The following COL4A2 variants were observed in gnomAD, a reference collection of about 807,000 sequenced individuals.
The protein encoded by COL4A2 is collagen type IV alpha 2 chain, also known as collagen alpha-2(IV) chain.
In COL4A2, 99 loss-of-function variants were observed where a neutral mutation model predicts 200.2. The ratio of observed to expected loss-of-function variants is 0.49; its 90% CI spans 0.42 to 0.58. The LOEUF is 0.58. Ranked by LOEUF, COL4A2 falls within the 20% of genes least tolerant of loss-of-function variation. The pLI, the probability that COL4A2 is intolerant of heterozygous loss-of-function variation, is 0.00. For synonymous variants in COL4A2, 897 were observed against 900.6 expected, an observed-to-expected ratio of 1.00 and a Z score of 0.07; for missense variants, 1,950 against 2,314.1, an observed-to-expected ratio of 0.84 and a Z score of 3.23.
intron 10 of COL4A2, among the ~76,000 whole-genome samples, chr13:110,431,845 C>T (rs4238273): frequency 0.94 from 142,991 of 152,272 alleles, 67,659 homozygotes; most frequent in East Asian, 1. Context: ...ACACTGAATG[C>T]TCTGCAGAAA....
intron 4 of COL4A2, among the ~76,000 whole-genome samples, chr13:110,408,143 C>T (rs140773551): frequency 2.0e-5 from 3 of 152,158 alleles, no homozygotes; most frequent in Non-Finnish European, 2.9e-5. Flanking sequence ...AGGAAGGGGC[C>T]AGAGGAGTGA....
At chr13:110,471,841 T>C (rs1258619447) in intron 28 of COL4A2, among the ~76,000 whole-genome samples, 3 of 152,192 alleles carry the variant, frequency 2.0e-5, no homozygotes, top group African/African-American at 7.2e-5. Context: ...TGCCGTGTAC[T>C]TGATCTTGTC....
At chr13:110,484,779 C>T in intron 32 of COL4A2, 126 bp from the exon 33 acceptor site, 2 of 1,345,156 alleles carry the variant, frequency 1.5e-6, no homozygotes, top group Non-Finnish European at 2.0e-6. Context: ...CGCCCTTGGT[C>T]TCTCTCCAAG....
At chr13:110,349,652 G>A (rs1349180520) in intron 3 of COL4A2, among the ~76,000 whole-genome samples, 1 of 152,216 alleles carries the variant, frequency 6.6e-6, no homozygotes, top group African/African-American at 2.4e-5. Flanking sequence ...AGGGTTCCAT[G>A]ACTTTTATTC....
chr13:110,447,218 G>T (rs1881363435), intron 18 of COL4A2, among the ~76,000 whole-genome samples: 1 of 152,162 alleles, frequency 6.6e-6, no homozygotes, highest in Admixed American at 6.5e-5. Flanking sequence ...CAGGGCAGCA[G>T]CCCCAGCCGC....
At chr13:110,431,534 AG>A (rs1171246528) in intron 10 of COL4A2, among the ~76,000 whole-genome samples, 2 of 152,248 alleles carry the variant, frequency 1.3e-5, no homozygotes, top group Non-Finnish European at 2.9e-5. Context: ...GACCTGGTCA[AG>A]GTGGCTGAAA....
rs755717707 is a variant in COL4A2, at chr13:110,430,396, A to G, written c.550-5A>G. 1.9e-6 allele frequency: 3 copies of G among 1,613,338 alleles called. No homozygotes were observed. Among genetic ancestry groups the G allele is most frequent in the East Asian group, 2.2e-5 (1 of 44,884 alleles). On this transcript the variant is annotated splice_polypyrimidine_tract_variant and splice_region_variant and intron_variant, in intron 8 of 47. Coordinates refer to ENST00000360467, the MANE Select transcript of COL4A2 (RefSeq NM_001846.4). Reference sequence around the variant, plus strand: ...TCACTCTTAAAATTATTTCTTCTCCATTAGGGTGAACCTGGAGAGCCTGGA... The same window carrying G: ...TCACTCTTAAAATTATTTCTTCTCCGTTAGGGTGAACCTGGAGAGCCTGGA...
At chr13:110,324,003 A>G (rs1276228283) in intron 3 of COL4A2, among the ~76,000 whole-genome samples, 1 of 152,230 alleles carries the variant, frequency 6.6e-6, no homozygotes, top group African/African-American at 2.4e-5. Flanking sequence ...ACAGTCGAAA[A>G]AATTATTGGG....
At position 110,406,524 on chromosome 13, in the gene COL4A2, A is replaced by C. The variant is rs560452379; in HGVS notation, c.181-18210A>C. Reference sequence around the variant, plus strand: ...TCCAATAGAAGCAAAACTCAGGTCCATCCTAGAGCACATCCCAGGAGAAGT... The same window carrying C: ...TCCAATAGAAGCAAAACTCAGGTCCCTCCTAGAGCACATCCCAGGAGAAGT... On this transcript the variant is annotated intron_variant, in intron 4 of 47. Coordinates refer to ENST00000360467, the MANE Select transcript of COL4A2 (RefSeq NM_001846.4). 2.0e-5 allele frequency among the ~76,000 whole-genome samples: 3 copies of C among 152,368 alleles called. No individual in the cohort carries two copies. In the East Asian group the frequency reaches 5.8e-4, roughly 29 times the overall value.
In COL4A2 at chr13:110,489,460, C is replaced by T. The variant is rs902879118; in HGVS notation, c.3223C>T (p.Pro1075Ser). The stretch of plus-strand genomic sequence containing the variant: ...CTGTCTTTAGGGTGACAAAGGTGCC[C>T]CAGGGAGAGCAGGCCTGTATGGCGA... ...FIGSRGDKGAPGRAGLYGEIG... is the reference protein window; with the variant it reads ...FIGSRGDKGASGRAGLYGEIG... The change falls in exon 35 of 48, where the codon CCA (proline) becomes TCA (serine). Residue 1075 changes from proline to serine, a missense_variant. Transcript: ENST00000360467. 1 of 1,614,102 alleles carries T rather than the reference C, an allele frequency of 6.2e-7. No individual in the cohort carries two copies. Among genetic ancestry groups the T allele is most frequent in the South Asian group, 1.1e-5 (1 of 91,064 alleles).
chr13:110,497,777 C>CTT (rs1883513440), intron 40 of COL4A2, among the ~76,000 whole-genome samples: 1 of 148,788 alleles, frequency 6.7e-6, no homozygotes, highest in African/African-American at 2.5e-5. Context: ...AGCAGCACAG[C>CTT]CTCAGTCAGG....
Position 110,507,944 on chromosome 13 carries a change from G to A in COL4A2, c.4604G>A (p.Gly1535Asp), listed in dbSNP as rs568049102. 2 of 1,613,444 alleles carry A rather than the reference G, an allele frequency of 1.2e-6. No homozygotes were observed. The highest frequency in any genetic ancestry group is 2.2e-5 in the East Asian group (1 of 44,852). ...ACCCCTCCTTCCACAGGGCTGGCGG[G>A]CTCCTGCCTGGCGCGGTTCAGCACC... is the stretch of plus-strand genomic sequence containing the variant. ...KAHNQDLGLA[G>D]SCLARFSTMP... Residue 1535 changes from glycine to aspartate, a missense_variant, in exon 47 of 48, where the codon GGC becomes GAC. Physicochemically the swap from Gly to Asp is moderately conservative, Grantham distance 94 (BLOSUM62 -1). Coordinates refer to ENST00000360467, the MANE Select transcript of COL4A2 (RefSeq NM_001846.4).
intron 20 of COL4A2, among the ~76,000 whole-genome samples, chr13:110,454,991 GGCTACTCT>G (rs1479511419): frequency 6.6e-6 from 1 of 151,942 alleles, no homozygotes; most frequent in East Asian, 1.9e-4. Flanking sequence ...CAGAGCCCTG[GGCTACTCT>G]GCCTACCTCA....
At chr13:110,489,424 A>G (rs1404423784) in intron 34 of COL4A2, 21 bp from the exon 35 acceptor site, 2 of 1,613,592 alleles carry the variant, frequency 1.2e-6, no homozygotes, top group South Asian at 2.2e-5. Context: ...GCCTTCTAAG[A>G]TGGTTCATGT....
chr13:110,408,239 AG>A (rs1351923111), intron 4 of COL4A2, among the ~76,000 whole-genome samples: 1 of 152,200 alleles, frequency 6.6e-6, no homozygotes, highest in Non-Finnish European at 1.5e-5. Flanking sequence ...AAGGGTCCCC[AG>A]GGCGGGGAGG....
intron 4 of COL4A2, among the ~76,000 whole-genome samples, chr13:110,376,858 G>T (rs775165523): frequency 1.3e-5 from 2 of 152,146 alleles, no homozygotes; most frequent in Non-Finnish European, 2.9e-5. Context: ...TGAGACTGAC[G>T]CATCCTGCTT....
chr13:110,503,863 G>T lies in COL4A2; in HGVS notation c.4155G>T (p.Val1385=). 1.2e-6 allele frequency: 2 copies of T among 1,613,898 alleles called. No individual in the cohort carries two copies. The highest frequency in any genetic ancestry group is 1.7e-6 in the Non-Finnish European group (2 of 1,179,896). ...DPGFPGAPGT[V]GAPGIAGIPQ... ...CCCTTCCAGGTGCCCCCGGGACTGTGGGAGCCCCCGGGATTGCAGGAATCC... is the reference window on the plus strand; with the variant it reads ...CCCTTCCAGGTGCCCCCGGGACTGTTGGAGCCCCCGGGATTGCAGGAATCC... Residue 1385 remains valine, a synonymous_variant, in exon 44 of 48, where the codon GTG becomes GTT. Coordinates refer to ENST00000360467, the MANE Select transcript of COL4A2 (RefSeq NM_001846.4).
At chr13:110,457,550 C>A in intron 21 of COL4A2, 115 bp downstream of exon 21, 1 of 726,382 alleles carries the variant, frequency 1.4e-6, no homozygotes, top group Non-Finnish European at 2.5e-6. Context: ...AATGAGCCTG[C>A]ATGTCTCTCC....
At chr13:110,468,226 TATC>T (rs1882326935) in intron 27 of COL4A2, 1 of 471,168 alleles carries the variant, frequency 2.1e-6, no homozygotes, top group Non-Finnish European at 4.4e-6. Flanking sequence ...AATGCAGAGG[TATC>T]ATTTGCACTG....
Sources: allele counts gnomAD v4.1 joint callset (sites outside exome capture counted in the v4.1 genomes callset), GRCh38; gene constraint gnomAD v4.1.1; transcripts MANE v1.5; gene names NCBI Gene and HGNC (gene_info 2026-07-23, HGNC 2026-07-21).